NECAB2: variants seen among roughly 807,000 people sequenced by gnomAD.
NECAB2 encodes N-terminal EF-hand calcium binding protein 2.
A neutral mutation model predicts 51.9 loss-of-function variants in NECAB2; 68 were observed. The ratio of observed to expected loss-of-function variants is 1.31; its 90% confidence interval spans 1.08 to 1.60. The LOEUF is 1.60. Among genes scored for constraint, NECAB2 ranks in the 40% most tolerant of loss-of-function variants. NECAB2 has a pLI of 0.00. For missense variants in NECAB2, 854 were observed against 490.3 expected (o/e 1.74, Z -7.00); for synonymous variants, 329 against 203.5 (o/e 1.62, Z -5.25).
At chr16:83,986,364 T>A (rs551969687) in intron 5 of NECAB2, among the ~76,000 whole-genome samples, 1 of 152,360 alleles carries the variant, frequency 6.6e-6, no homozygotes, top group African/African-American at 2.4e-5. Flanking sequence ...ATACTGGAAC[T>A]GGCTCAAAGG....
At chr16:83,993,171 C>T (rs1209949861) in intron 6 of NECAB2, among the ~76,000 whole-genome samples, 1 of 152,174 alleles carries the variant, frequency 6.6e-6, no homozygotes, top group Non-Finnish European at 1.5e-5. Context: ...TTTCCCAGCC[C>T]CAGGACAGTC....
At chr16:83,985,346 AGG>A in intron 5 of NECAB2, among the ~76,000 whole-genome samples, 1 of 114,532 alleles carries the variant, frequency 8.7e-6, no homozygotes, top group Non-Finnish European at 1.8e-5. Flanking sequence ...AAAAAAAAAA[AGG>A]TTACTGCTGG....
intron 12 of NECAB2, 39 bp downstream of exon 12, chr16:84,001,955 CTGGAGAGA>C (rs1567682548): frequency 6.3e-7 from 1 of 1,598,146 alleles, no homozygotes; most frequent in Admixed American, 1.7e-5. Context: ...GGCCACCTGA[CTGGAGAGA>C]AGGGCAAGAG....
intron 2 of NECAB2, among the ~76,000 whole-genome samples, chr16:83,976,650 C>T (rs1567665337): frequency 6.6e-6 from 1 of 152,080 alleles, no homozygotes; most frequent in African/African-American, 2.4e-5. Context: ...TTGGCCTTTC[C>T]TTTGAAAGAC....
upstream of NECAB2, chr16:83,965,251 G>A (rs1192656264): frequency 3.7e-6 from 6 of 1,611,546 alleles, no homozygotes; most frequent in African/African-American, 2.7e-5. Flanking sequence ...GCGGCTTCCT[G>A]ACCAGGAACC....
At chr16:83,974,149 C>T (rs148627130) in intron 2 of NECAB2, among the ~76,000 whole-genome samples, 50 of 152,142 alleles carry the variant, frequency 3.3e-4, no homozygotes, top group Non-Finnish European at 6.0e-4. Flanking sequence ...ACTATGTGAC[C>T]GTTAGGGGCT....
At chr16:83,968,882 G>A in intron 1 of NECAB2, 33 bp downstream of exon 1, 1 of 1,094,534 alleles carries the variant, frequency 9.1e-7, no homozygotes. Flanking sequence ...CCCCGCCGTG[G>A]CCTCCGCTGG....
In NECAB2 at chr16:84,001,873, C is replaced by T. The variant is rs1284768643; in HGVS notation, c.1089C>T (p.Asp363=). 3 of 1,614,054 alleles carry T rather than the reference C, an allele frequency of 1.9e-6. No homozygotes were observed. Among genetic ancestry groups the T allele is most frequent in the Non-Finnish European group, 2.5e-6 (3 of 1,180,012 alleles). ...AGGCGTTCCGGCACGTCAAGGTGGACACACTGAGCCAGCCTGAGGCCCTCT... is the reference window on the plus strand; with the variant it reads ...AGGCGTTCCGGCACGTCAAGGTGGATACACTGAGCCAGCCTGAGGCCCTCT... ...LCKAFRHVKV[D]TLSQPEALSR... Residue 363 remains aspartate (D), a synonymous_variant, in exon 12 of 13, where the codon GAC becomes GAT. Coordinates refer to ENST00000305202, the MANE Select transcript of NECAB2 (RefSeq NM_019065.3).
rs373283519 is a variant in NECAB2 at position 83,994,814 on chromosome 16, C to A, written c.795+126C>A. 10 of 1,092,152 alleles carry A rather than the reference C, an allele frequency of 9.2e-6. No homozygotes were observed. The South Asian group carries it at 1.3e-4, about 14-fold the overall frequency. The allele number at this position is 1,092,152 out of a possible 1,614,324, so 67.7% of individuals were successfully genotyped here. On this transcript the variant is annotated intron_variant, in intron 8 of 12. Coordinates refer to ENST00000305202, the MANE Select transcript of NECAB2 (RefSeq NM_019065.3). ...CAGGGAACCATGAAAAAGACATCCC[C>A]CAGGTGGGGCGTGGAGCTGCCGAGG...
chr16:83,988,960 C>G (rs145450159), intron 5 of NECAB2, among the ~76,000 whole-genome samples: 1 of 152,124 alleles, frequency 6.6e-6, no homozygotes, highest in African/African-American at 2.4e-5. Context: ...TCAGGAAAAG[C>G]TTCATTTTTT....
At chr16:84,001,794 C>T (rs1449424562) in intron 11 of NECAB2, 31 bp from the exon 12 acceptor site, 23 of 1,612,326 alleles carry the variant, frequency 1.4e-5, no homozygotes, top group Non-Finnish European at 1.9e-5. Context: ...ACTCCTGCCA[C>T]CCCTGACTCA....
chr16:84,000,864 T>C, intron 11 of NECAB2, 63 bp downstream of exon 11: 1 of 1,530,908 alleles, frequency 6.5e-7, no homozygotes, highest in Non-Finnish European at 9.0e-7. Flanking sequence ...GCTGTCTTCC[T>C]GGAGCCAGGC....
intron 6 of NECAB2, among the ~76,000 whole-genome samples, chr16:83,993,054 C>T (rs755171472): frequency 1.1e-4 from 16 of 152,284 alleles, no homozygotes; most frequent in Admixed American, 4.6e-4. Context: ...TGTTGTCAGA[C>T]GGGGCAGCTT....
chr16:83,985,214 G>C (rs1567670129), intron 5 of NECAB2, among the ~76,000 whole-genome samples: 1 of 147,276 alleles, frequency 6.8e-6, no homozygotes, highest in Non-Finnish European at 1.5e-5. Flanking sequence ...TTGGGAGGCT[G>C]AGGCAGGAGA....
At chr16:83,981,614 A>T (rs1013311054) in intron 5 of NECAB2, among the ~76,000 whole-genome samples, 1 of 152,122 alleles carries the variant, frequency 6.6e-6, no homozygotes, top group African/African-American at 2.4e-5. Context: ...CTATGGAAAC[A>T]GAGGCTCACA....
chr16:84,000,318 CCAGGAGTT>C (rs2084802985), intron 10 of NECAB2, among the ~76,000 whole-genome samples: 2 of 150,072 alleles, frequency 1.3e-5, no homozygotes, highest in South Asian at 2.1e-4. Flanking sequence ...CAGCCTGAGC[CCAGGAGTT>C]AAAGACCAGC....
intron 5 of NECAB2, among the ~76,000 whole-genome samples, chr16:83,983,650 A>G (rs1246138472): frequency 3.3e-5 from 5 of 152,150 alleles, no homozygotes; most frequent in Non-Finnish European, 7.3e-5. Context: ...CTCAAATTGA[A>G]CAATCCTTCG....
intron 2 of NECAB2, among the ~76,000 whole-genome samples, chr16:83,975,541 A>G (rs114238704): frequency 0.012 from 1,793 of 152,208 alleles, 31 homozygotes; most frequent in African/African-American, 0.041. Flanking sequence ...TAGGACTTAG[A>G]GATTACAGGA....
At chr16:84,002,227 T>TCCCCCGACCTGTCATTC in intron 12 of NECAB2, 91 bp from the exon 13 acceptor site, 1 of 1,489,256 alleles carries the variant, frequency 6.7e-7, no homozygotes, top group Non-Finnish European at 9.4e-7. Context: ...CTCAAAGCCA[T>TCCCCCGACCTGTCATTC]CCCCCGACCT....
Sources: allele counts gnomAD v4.1 joint callset (sites outside exome capture counted in the v4.1 genomes callset), GRCh38; gene constraint gnomAD v4.1.1; transcripts MANE v1.5; gene names NCBI Gene and HGNC (gene_info 2026-07-23, HGNC 2026-07-21).